Variants in POLR1B observed in about 807,000 individuals in gnomAD.
POLR1B encodes the protein RNA polymerase I subunit B.
In POLR1B, 30 loss-of-function variants were observed where a neutral mutation model predicts 105.8. That is an observed-to-expected ratio of 0.28 (90% confidence interval 0.21 to 0.38). The LOEUF is 0.38. POLR1B is among the 10% of genes least tolerant of loss of function. The pLI is 1.00. For missense variants in POLR1B, 976 were observed against 1,435.8 expected (o/e 0.68, Z 5.17); for synonymous variants, 485 against 505.1 (o/e 0.96, Z 0.53).
At chr2:112,549,499 CTTTT>C (rs34591927) in intron 4 of POLR1B, 100 bp downstream of exon 4, 1,954 of 575,462 alleles carry the variant, frequency 3.4e-3, no homozygotes, top group South Asian at 4.7e-3. Flanking sequence ...ATTTTTGTTT[CTTTT>C]TTTTTTTTTT....
intron 10 of POLR1B, among the ~76,000 whole-genome samples, chr2:112,566,412 T>A (rs1381187473): frequency 6.6e-6 from 1 of 152,236 alleles, no homozygotes; most frequent in Non-Finnish European, 1.5e-5. Context: ...GGTTCTTTGC[T>A]GAGTTAATAT....
At chr2:112,569,011 C>T in intron 12 of POLR1B, 109 bp downstream of exon 12, 1 of 1,197,252 alleles carries the variant, frequency 8.4e-7, no homozygotes, top group Non-Finnish European at 1.1e-6. Flanking sequence ...TCCAAAAATA[C>T]AGTTTATGGC....
chr2:112,557,852 T>C, intron 7 of POLR1B, 58 bp from the exon 8 acceptor site: 3 of 1,006,894 alleles, frequency 3.0e-6, no homozygotes, highest in Non-Finnish European at 3.9e-6. Flanking sequence ...ATTATAGATG[T>C]GAGCCACCAC....
chr2:112,544,784 A>G (rs183274626), intron 1 of POLR1B, among the ~76,000 whole-genome samples: 60 of 152,334 alleles, frequency 3.9e-4, no homozygotes, highest in Admixed American at 8.5e-4. Context: ...TTACTTACAA[A>G]ACATAATTTT....
chr2:112,560,355 A>G (rs975823302), intron 9 of POLR1B, among the ~76,000 whole-genome samples: 22 of 152,276 alleles, frequency 1.4e-4, no homozygotes, highest in Admixed American at 7.8e-4. Context: ...TTCTTTTTGC[A>G]TCTCTTGGCG....
chr2:112,570,720 T>G (rs886981242), intron 12 of POLR1B, among the ~76,000 whole-genome samples: 9 of 152,182 alleles, frequency 5.9e-5, no homozygotes, highest in African/African-American at 1.9e-4. Flanking sequence ...ACTAAAACAT[T>G]GTTATGCAGT....
chr2:112,567,407 G>A (rs1293978115), intron 10 of POLR1B, among the ~76,000 whole-genome samples: 2 of 151,164 alleles, frequency 1.3e-5, no homozygotes, highest in East Asian at 2.0e-4. Flanking sequence ...TTTGAGACAG[G>A]GTCACTCTGT....
At chr2:112,574,723 T>TAAA (rs61116291) in intron 14 of POLR1B, 124 bp from the exon 15 acceptor site, 37 of 588,992 alleles carry the variant, frequency 6.3e-5, no homozygotes, top group African/African-American at 1.2e-4. Context: ...CCCTGTATCA[T>TAAA]AAAAAAAAAA....
chr2:112,559,616 G>A (rs547302706), intron 9 of POLR1B, 42 bp downstream of exon 9: 3 of 1,581,412 alleles, frequency 1.9e-6, no homozygotes, highest in South Asian at 2.3e-5. Context: ...TGGTTATGTG[G>A]GTTTTTTTGT....
chr2:112,542,516 C>T lies in POLR1B; in HGVS notation c.22C>T (p.Arg8Trp), dbSNP rs1318524053. Residue 8 changes from arginine to tryptophan, a missense_variant, in exon 1 of 15, where the codon CGG becomes TGG. Arg to Trp is a moderately radical substitution (Grantham distance 101). Coordinates refer to ENST00000263331, the MANE Select transcript of POLR1B (RefSeq NM_019014.6). Reference protein sequence around the residue: MDPGSRWRNLPSGPSLKH... With the variant: MDPGSRWWNLPSGPSLKH... ...CCACATGGATCCTGGCAGCCGGTGG[C>T]GGAACCTGCCCAGCGGGCCTAGCCT... 2 of 1,613,882 alleles carry T rather than the reference C, an allele frequency of 1.2e-6. No homozygotes were observed. Among genetic ancestry groups the T allele is most frequent in the South Asian group, 1.1e-5 (1 of 91,088 alleles).
chr2:112,563,677 T>G (rs1684127315), intron 9 of POLR1B, among the ~76,000 whole-genome samples: 1 of 151,960 alleles, frequency 6.6e-6, no homozygotes, highest in Non-Finnish European at 1.5e-5. Context: ...GCGAGAGGAT[T>G]GCTTGAGCCC....
chr2:112,571,928 C>T (rs1280405783), intron 12 of POLR1B, among the ~76,000 whole-genome samples: 2 of 152,170 alleles, frequency 1.3e-5, no homozygotes, highest in East Asian at 1.9e-4. Context: ...TGGGGGTCTG[C>T]GTCTCATACT....
intron 1 of POLR1B, among the ~76,000 whole-genome samples, chr2:112,544,540 T>C (rs937194120): frequency 6.6e-6 from 1 of 152,250 alleles, no homozygotes; most frequent in Middle Eastern, 3.2e-3. Flanking sequence ...AAAATCTTTT[T>C]AATGTCTGGC....
At chr2:112,542,408 G>T (rs757906394), upstream of POLR1B, 2 of 1,612,226 alleles carry the variant, frequency 1.2e-6, no homozygotes, top group Non-Finnish European at 1.7e-6. Context: ...TGCGGAAACG[G>T]GACTGCGGCC....
intron 9 of POLR1B, 196 bp from the exon 10 acceptor site, chr2:112,564,170 G>T (rs1002664758): frequency 1.8e-6 from 1 of 544,798 alleles, no homozygotes; most frequent in African/African-American, 1.9e-5. Context: ...AACACTTGTC[G>T]TTGGAAAAAT....
Position 112,573,837 on chromosome 2 carries a change from GTTTTGTTTTTGT to G in POLR1B, c.2525+38_2525+49del, listed in dbSNP as rs575267591. ...ATAAGTAAGTTTGGGTATCCAAGCT[GTTTTGTTTTTGT>G]TTTTGTTTTTGTTTTGAGACAGGGT... On this transcript the variant is annotated intron_variant, in intron 14 of 14. Transcript: ENST00000263331. 1.1e-5 allele frequency: 18 copies of G among 1,605,742 alleles called. No individual in the cohort carries two copies. In the East Asian group the frequency reaches 2.7e-4, roughly 24 times the overall value.
intron 11 of POLR1B, 150 bp downstream of exon 11, chr2:112,568,287 A>G (rs575603505): frequency 1.7e-4 from 130 of 781,474 alleles, no homozygotes; most frequent in Middle Eastern, 3.7e-4. Flanking sequence ...CACCTCCTCT[A>G]TGATCAGCAC....
Position 112,547,005 on chromosome 2 carries a change from A to G in POLR1B, c.178-7A>G, listed in dbSNP as rs771499419. 9 of 1,613,888 alleles carry G rather than the reference A, an allele frequency of 5.6e-6. 1 individual carries two copies. The South Asian group carries it at 9.9e-5, about 18-fold the overall frequency. On this transcript the variant is annotated splice_region_variant and splice_polypyrimidine_tract_variant and intron_variant, in intron 1 of 14. Transcript: ENST00000263331. The stretch of plus-strand genomic sequence containing the variant: ...CAAGCAATTTAATAGTGTGAATTGC[A>G]TTTCAGGCTATACCTCCCTTTGAAT...
chr2:112,571,407 T>A (rs1316968920), intron 12 of POLR1B, among the ~76,000 whole-genome samples: 7 of 152,316 alleles, frequency 4.6e-5, no homozygotes, highest in Admixed American at 4.6e-4. Flanking sequence ...TCAATTACAT[T>A]TTAATTTTTT....
Sources: allele counts gnomAD v4.1 joint callset (sites outside exome capture counted in the v4.1 genomes callset), GRCh38; gene constraint gnomAD v4.1.1; transcripts MANE v1.5; gene names NCBI Gene and HGNC (gene_info 2026-07-23, HGNC 2026-07-21).